ZCWPW2: variants seen among roughly 807,000 people sequenced by gnomAD.
ZCWPW2 encodes zinc finger CW-type PWWP domain protein 2.
In ZCWPW2, 45 loss-of-function variants were observed where a neutral mutation model predicts 46.6. That is an observed-to-expected ratio of 0.96 (90% CI 0.76 to 1.24). The LOEUF (loss-of-function observed/expected upper bound fraction) is 1.24, where lower values mean the gene tolerates loss of function less well. Among genes scored for constraint, ZCWPW2 ranks in the 50% most tolerant of loss-of-function variants. ZCWPW2 has a pLI of 0.00. For missense variants in ZCWPW2, 429 were observed against 403.9 expected, an observed-to-expected ratio of 1.06 and a Z score of -0.53; for synonymous variants, 152 against 137.1, an observed-to-expected ratio of 1.11 and a Z score of -0.76.
chr3:28,405,485 G>A (rs1200702890), intron 2 of ZCWPW2, among the ~76,000 whole-genome samples: 3 of 152,008 alleles, frequency 2.0e-5, no homozygotes, highest in African/African-American at 7.2e-5. Flanking sequence ...TTGTTTGTTT[G>A]TTTTTTTGAG....
chr3:28,435,066 T>C (rs1697426095), intron 3 of ZCWPW2, 44 bp from the exon 4 acceptor site: 5 of 1,595,970 alleles, frequency 3.1e-6, no homozygotes, highest in Non-Finnish European at 4.3e-6. Context: ...GATGTCTACC[T>C]TTTTAAAAGC....
At chr3:28,497,286 A>ATT (rs549694875) in intron 6 of ZCWPW2, among the ~76,000 whole-genome samples, 5 of 147,874 alleles carry the variant, frequency 3.4e-5, no homozygotes, top group African/African-American at 9.9e-5. Context: ...ATGTTTTGTG[A>ATT]TTTTTTTTTT....
In ZCWPW2 at chr3:28,358,128, T is replaced by G. The variant is rs566558155; in HGVS notation, c.-134+8925T>G. Among the ~76,000 whole-genome samples, 3 of 152,186 alleles carry G rather than the reference T, an allele frequency of 2.0e-5. No individual in the cohort carries two copies. In the South Asian group the frequency reaches 6.2e-4, roughly 32 times the overall value. ...CACCTAGTTTTATGGGTTTTACTCC[T>G]TAGCTGTCTGAACTATTGCAATAGT... On this transcript the variant is annotated intron_variant, in intron 1 of 9. Transcript: ENST00000383768.
intron 1 of ZCWPW2, among the ~76,000 whole-genome samples, chr3:28,359,615 T>C (rs1559472396): frequency 1.3e-5 from 2 of 152,172 alleles, no homozygotes; most frequent in Non-Finnish European, 1.5e-5. Flanking sequence ...AAAAAAAGTT[T>C]GAAAGTTTGT....
At chr3:28,449,397 A>G (rs1410645446) in intron 4 of ZCWPW2, among the ~76,000 whole-genome samples, 1 of 152,244 alleles carries the variant, frequency 6.6e-6, no homozygotes, top group Non-Finnish European at 1.5e-5. Context: ...CCTTGAGGAT[A>G]TTATGATAAG....
chr3:28,434,292 T>C (rs1281319631), intron 3 of ZCWPW2, among the ~76,000 whole-genome samples: 1 of 152,058 alleles, frequency 6.6e-6, no homozygotes, highest in Admixed American at 6.6e-5. Context: ...TTATTTCAGT[T>C]TTTGCTTATC....
chr3:28,476,456 G>A (rs1699241639), intron 4 of ZCWPW2, among the ~76,000 whole-genome samples: 1 of 152,078 alleles, frequency 6.6e-6, no homozygotes, highest in Non-Finnish European at 1.5e-5. Context: ...AACCTTTTCA[G>A]TTCCCCTAAG....
intron 1 of ZCWPW2, among the ~76,000 whole-genome samples, chr3:28,365,225 G>C (rs1332559641): frequency 6.8e-6 from 1 of 146,292 alleles, no homozygotes; most frequent in East Asian, 1.9e-4. Flanking sequence ...CCTTGCCCAT[G>C]CTTATGTCCT....
At position 28,351,408 on chromosome 3, in the gene ZCWPW2, C is replaced by A. The variant is rs777370603; in HGVS notation, c.-134+2205C>A. On this transcript the variant is annotated intron_variant, in intron 1 of 9. Coordinates refer to ENST00000383768, the MANE Select transcript of ZCWPW2 (RefSeq NM_001040432.4). ...TGGGTTCCCTTTTTCACTGAATTAGCTTGGACTTCAAAGCAATATCTTAAC... is the reference window on the plus strand; with the variant it reads ...TGGGTTCCCTTTTTCACTGAATTAGATTGGACTTCAAAGCAATATCTTAAC... 4.4e-4 allele frequency among the ~76,000 whole-genome samples: 67 copies of A among 151,502 alleles called. 2 individuals carry two copies. Among genetic ancestry groups the A allele is most frequent in the Non-Finnish European group, 1.3e-4 (9 of 67,952 alleles).
chr3:28,502,484 G>A (rs1428005931), intron 6 of ZCWPW2, among the ~76,000 whole-genome samples: 1 of 152,106 alleles, frequency 6.6e-6, no homozygotes, highest in African/African-American at 2.4e-5. Context: ...CTGCCTACTT[G>A]TGGTTTTCAC....
intron 6 of ZCWPW2, among the ~76,000 whole-genome samples, chr3:28,497,749 A>T (rs1435827036): frequency 2.0e-5 from 3 of 151,998 alleles, no homozygotes; most frequent in African/African-American, 7.2e-5. Context: ...GCCTATTTTG[A>T]TTGGCATTCC....
rs1158486017 is a variant in ZCWPW2, at chr3:28,515,574, CTT to C, written c.740_741del (p.Phe247Ter). The stretch of plus-strand genomic sequence containing the variant: ...TCTAGGAAAGCAATTTTAAAATGCT[CTT>C]TTGAAAATGTTTATTCTGATGATGC... On this transcript the variant is annotated frameshift_variant, in exon 8 of 10. Transcript: ENST00000383768. LOFTEE classifies it high-confidence loss of function. 6.2e-7 allele frequency: 1 copy of C among 1,608,704 alleles called. No homozygotes were observed. The highest frequency in any genetic ancestry group is 8.5e-7 in the Non-Finnish European group (1 of 1,178,624).
At chr3:28,509,220 T>C (rs1270763086) in intron 6 of ZCWPW2, among the ~76,000 whole-genome samples, 1 of 152,180 alleles carries the variant, frequency 6.6e-6, no homozygotes, top group Non-Finnish European at 1.5e-5. Flanking sequence ...TATACGACAC[T>C]TTATCCATTG....
intron 5 of ZCWPW2, among the ~76,000 whole-genome samples, chr3:28,488,759 T>A (rs1699694886): frequency 6.6e-6 from 1 of 152,184 alleles, no homozygotes. Flanking sequence ...CTTTTCATTA[T>A]CCACATCTAC....
chr3:28,378,312 C>A (rs1705566103), intron 1 of ZCWPW2, among the ~76,000 whole-genome samples: 1 of 151,830 alleles, frequency 6.6e-6, no homozygotes, highest in South Asian at 2.1e-4. Flanking sequence ...TTGTTGAGCA[C>A]TTGAAAAAAA....
chr3:28,354,754 A>G (rs1704670162), intron 1 of ZCWPW2, among the ~76,000 whole-genome samples: 1 of 73,234 alleles, frequency 1.4e-5, no homozygotes, highest in African/African-American at 5.1e-5. Flanking sequence ...GACGAAAACC[A>G]TATGATTATC....
rs148358942 is a variant in ZCWPW2, at chr3:28,475,961, C to T, written c.493-2853C>T. Among the ~76,000 whole-genome samples, 376 of 152,088 alleles carry T rather than the reference C, an allele frequency of 2.5e-3. 1 individual carries two copies. Among genetic ancestry groups the T allele is most frequent in the African/African-American group, 8.3e-3 (343 of 41,452 alleles). ...ATATATTGTCTCTTCTCATAGGCTA[C>T]AATGTAAGCTTTGTCTGTTTTCTTC... is the stretch of plus-strand genomic sequence containing the variant. On this transcript the variant is annotated intron_variant, in intron 4 of 9. Coordinates refer to ENST00000383768, the MANE Select transcript of ZCWPW2 (RefSeq NM_001040432.4).
At chr3:28,393,747 A>G (rs1695585516) in intron 2 of ZCWPW2, among the ~76,000 whole-genome samples, 1 of 152,164 alleles carries the variant, frequency 6.6e-6, no homozygotes, top group African/African-American at 2.4e-5. Flanking sequence ...TCAGTTTATG[A>G]TAAAAACTCT....
chr3:28,409,400 A>G (rs552992828), intron 2 of ZCWPW2, among the ~76,000 whole-genome samples: 2 of 151,802 alleles, frequency 1.3e-5, no homozygotes, highest in South Asian at 4.1e-4. Context: ...GATTATAGGC[A>G]TGAGGAACCA....
Sources: gnomAD v4.1 joint callset for allele counts (sites outside exome capture counted in the v4.1 genomes callset) on GRCh38, gnomAD v4.1.1 for gene constraint, MANE v1.5 for transcripts, NCBI Gene and HGNC (gene_info 2026-07-23, HGNC 2026-07-21) for gene names.